Variants in NRXN3 observed in about 807,000 individuals in gnomAD.
NRXN3 encodes the protein neurexin 3.
NRXN3 carries 32 observed loss-of-function variants against 137.6 expected under a neutral mutation model. The observed-to-expected ratio is 0.23, with a 90% CI of 0.18 to 0.31. The LOEUF (loss-of-function observed/expected upper bound fraction) is 0.31. Among genes scored for constraint, NRXN3 ranks in the 10% least tolerant of loss-of-function variants. NRXN3 has a pLI of 1.00. For synonymous variants in NRXN3, 798 were observed against 784.5 expected, an observed-to-expected ratio of 1.02 and a Z score of -0.29; for missense variants, 1,574 against 2,062.5, an observed-to-expected ratio of 0.76 and a Z score of 4.59.
At chr14:79,248,136 G>T (rs1042198299) in intron 15 of NRXN3, among the ~76,000 whole-genome samples, 3 of 152,184 alleles carry the variant, frequency 2.0e-5, no homozygotes, top group African/African-American at 7.2e-5. Context: ...TTCAGTTGAA[G>T]TCCACATATG....
intron 15 of NRXN3, among the ~76,000 whole-genome samples, chr14:79,091,506 G>A (rs943176050): frequency 2.6e-5 from 4 of 152,058 alleles, no homozygotes; most frequent in Non-Finnish European, 2.9e-5. Context: ...TGATTTGACC[G>A]AAGGACAGAA....
intron 4 of NRXN3, among the ~76,000 whole-genome samples, chr14:78,326,741 G>A (rs1336266183): frequency 6.6e-6 from 1 of 152,158 alleles, no homozygotes; most frequent in Admixed American, 6.5e-5. Flanking sequence ...TATTTATTTA[G>A]CAGCTACTTA....
intron 4 of NRXN3, among the ~76,000 whole-genome samples, chr14:78,385,175 A>T (rs530369956): frequency 2.0e-5 from 3 of 151,674 alleles, no homozygotes; most frequent in Non-Finnish European, 2.9e-5. Flanking sequence ...ACACACAAAT[A>T]AAAAAAATGA....
chr14:78,863,587 A>G (rs1381532190), intron 10 of NRXN3, among the ~76,000 whole-genome samples: 1 of 152,120 alleles, frequency 6.6e-6, no homozygotes, highest in Non-Finnish European at 1.5e-5. Context: ...TAAAATTTAT[A>G]CCTACAGCCT....
intron 4 of NRXN3, among the ~76,000 whole-genome samples, chr14:78,341,280 G>A (rs569894550): frequency 7.2e-5 from 11 of 152,246 alleles, no homozygotes; most frequent in African/African-American, 2.6e-4. Flanking sequence ...ATGTGTGCAG[G>A]AATCACCTGG....
At chr14:79,783,082 G>GA (rs1603492403) in intron 19 of NRXN3, among the ~76,000 whole-genome samples, 1 of 152,174 alleles carries the variant, frequency 6.6e-6, no homozygotes, top group African/African-American at 2.4e-5. Flanking sequence ...CTATCTTTCA[G>GA]AAAAATGACT....
At chr14:79,295,092 A>G (rs950407559) in intron 15 of NRXN3, among the ~76,000 whole-genome samples, 2 of 152,220 alleles carry the variant, frequency 1.3e-5, no homozygotes, top group Non-Finnish European at 1.5e-5. Context: ...CTGGCCCCTT[A>G]TCTTTATGAT....
intron 17 of NRXN3, among the ~76,000 whole-genome samples, chr14:79,682,266 G>A (rs1215809662): frequency 6.6e-6 from 1 of 152,102 alleles, no homozygotes; most frequent in Non-Finnish European, 1.5e-5. Flanking sequence ...TGTGAGCTCA[G>A]TACTTTGTTG....
chr14:79,561,734 G>C (rs1221882399), intron 16 of NRXN3, among the ~76,000 whole-genome samples: 1 of 152,002 alleles, frequency 6.6e-6, no homozygotes, highest in Non-Finnish European at 1.5e-5. Context: ...ATTCACTGGA[G>C]AATGAGGAAC....
chr14:78,858,051 T>C (rs1269406476), intron 10 of NRXN3, among the ~76,000 whole-genome samples: 1 of 152,030 alleles, frequency 6.6e-6, no homozygotes, highest in Non-Finnish European at 1.5e-5. Context: ...CGAAGGAAAG[T>C]TTCTGAAAAT....
intron 15 of NRXN3, among the ~76,000 whole-genome samples, chr14:79,082,391 T>TTGTGTGTG (rs57728169): frequency 0.76 from 111,555 of 146,882 alleles, 43,742 homozygotes; most frequent in Non-Finnish European, 0.86. Context: ...TGCAAACTAA[T>TTGTGTGTG]TGTGTGTGTG....
intron 8 of NRXN3, among the ~76,000 whole-genome samples, chr14:78,776,363 T>A (rs185750017): frequency 6.6e-6 from 1 of 151,166 alleles, no homozygotes. Flanking sequence ...TTTGTGTAGA[T>A]CCTTATATAA....
intron 14 of NRXN3, among the ~76,000 whole-genome samples, chr14:78,982,795 T>A (rs2099492754): frequency 6.6e-6 from 1 of 152,092 alleles, no homozygotes; most frequent in Admixed American, 6.6e-5. Flanking sequence ...TGAGATTGCA[T>A]GAAGCCAAAA....
intron 9 of NRXN3, among the ~76,000 whole-genome samples, chr14:78,809,704 G>A (rs2098898935): frequency 6.6e-6 from 1 of 152,122 alleles, no homozygotes; most frequent in African/African-American, 2.4e-5. Flanking sequence ...TATAGCATTT[G>A]GGGCCCAACC....
intron 10 of NRXN3, among the ~76,000 whole-genome samples, chr14:78,831,927 G>T (rs539719511): frequency 6.6e-6 from 1 of 151,822 alleles, no homozygotes; most frequent in East Asian, 1.9e-4. Flanking sequence ...TTTCTAAGTC[G>T]AAAAAGACTT....
At chr14:79,345,099 T>C (rs2092801611) in intron 15 of NRXN3, among the ~76,000 whole-genome samples, 1 of 152,174 alleles carries the variant, frequency 6.6e-6, no homozygotes. Context: ...TTTTTGTTTG[T>C]TTTATTAAAT....
At chr14:78,654,035 A>G (rs766517904) in intron 6 of NRXN3, among the ~76,000 whole-genome samples, 42 of 152,142 alleles carry the variant, frequency 2.8e-4, no homozygotes, top group Non-Finnish European at 4.0e-4. Context: ...TTTCTAAGGG[A>G]CTCGGAAGTC....
intron 15 of NRXN3, among the ~76,000 whole-genome samples, chr14:79,358,002 G>A (rs544903620): frequency 1.3e-4 from 20 of 152,178 alleles, no homozygotes; most frequent in Admixed American, 3.9e-4. Flanking sequence ...GGGCTTTCAA[G>A]TTAGTTTGCA....
intron 2 of NRXN3, among the ~76,000 whole-genome samples, chr14:78,272,066 G>T (rs931079614): frequency 2.0e-5 from 3 of 152,174 alleles, no homozygotes; most frequent in Non-Finnish European, 4.4e-5. Flanking sequence ...AGGCCACTGG[G>T]GAGGTGCAGT....
Sources: gnomAD v4.1 joint callset for allele counts (sites outside exome capture counted in the v4.1 genomes callset) on GRCh38, gnomAD v4.1.1 for gene constraint, MANE v1.5 for transcripts, NCBI Gene and HGNC (gene_info 2026-07-23, HGNC 2026-07-21) for gene names.